Variants in TCF23 observed in about 807,000 individuals in gnomAD.
TCF23 encodes transcription factor 23.
Under a neutral mutation model 13.0 loss-of-function variants are expected in TCF23, and 7 were observed. The ratio of observed to expected loss-of-function variants is 0.54; its 90% CI spans 0.31 to 1.01. The LOEUF is 1.01. TCF23 is among the 50% of genes least tolerant of loss of function. The pLI is 0.06. For missense variants in TCF23, 257 were observed against 289.8 expected, an observed-to-expected ratio of 0.89 and a Z score of 0.82; for synonymous variants, 122 against 119.5, an observed-to-expected ratio of 1.02 and a Z score of -0.14.
chr2:27,153,269 A>G lies in TCF23; in HGVS notation c.*402A>G, dbSNP rs1223129052. ...GCACCAGCCCCAGGTGCTGATGGGA[A>G]AGCCAGGTGGCCGGATAGGCTCCTG... On this transcript the variant is annotated 3_prime_UTR_variant, in exon 3 of 3. Transcript: ENST00000296096. 6.1e-6 allele frequency: 1 copy of G among 165,110 alleles called. No homozygotes were observed. Among genetic ancestry groups the G allele is most frequent in the Non-Finnish European group, 1.3e-5 (1 of 76,836 alleles). The allele number at this position is 165,110 out of a possible 1,614,324, so 10.2% of individuals were successfully genotyped here.
intron 1 of TCF23, 197 bp from the exon 2 acceptor site, chr2:27,149,926 C>T: frequency 2.3e-6 from 2 of 853,248 alleles, no homozygotes; most frequent in South Asian, 1.7e-5. Flanking sequence ...CCATCTGACC[C>T]CTGGCCAGGC....
At position 27,150,882 on chromosome 2, in the gene TCF23, G is replaced by C. The variant is rs1672752395; in HGVS notation, c.465+517G>C. On this transcript the variant is annotated intron_variant, in intron 2 of 2. Coordinates refer to ENST00000296096, the MANE Select transcript of TCF23 (RefSeq NM_175769.3). The surrounding 1 kb of genome is among the most constrained non-coding windows in gnomAD (Gnocchi z 4.1). Reference sequence around the variant, plus strand: ...CAGGGAAGGCGCGCACCACTTGCCAGACTGCAATCTAGCTTTTCTCAACCT... The same window carrying C: ...CAGGGAAGGCGCGCACCACTTGCCACACTGCAATCTAGCTTTTCTCAACCT... Among the ~76,000 whole-genome samples the C allele has an allele frequency of 1.3e-5, 2 of 152,168 alleles. No individual in the cohort carries two copies. Among genetic ancestry groups the C allele is most frequent in the South Asian group, 4.1e-4 (2 of 4,828 alleles).
Position 27,153,092 on chromosome 2 carries a change from C to T in TCF23, c.*225C>T. ...CCCAGGAGGGGACTTCCCCATGGCT[C>T]TTCTGTGACAGCTACTGGGAAGTGG... On this transcript the variant is annotated 3_prime_UTR_variant, in exon 3 of 3. Coordinates refer to ENST00000296096, the MANE Select transcript of TCF23 (RefSeq NM_175769.3). The T allele has an allele frequency of 9.6e-7, 1 of 1,044,532 alleles. No homozygotes were observed. The highest frequency in any genetic ancestry group is 3.0e-5 in the East Asian group (1 of 33,178). 64.7% of individuals were successfully genotyped at this position (1,044,532 alleles called of 1,614,324 possible).
At position 27,149,063 on chromosome 2, in the gene TCF23, G is replaced by C; in HGVS notation, c.-71G>C. The C allele has an allele frequency of 2.8e-6, 4 of 1,425,106 alleles. No individual in the cohort carries two copies. Among genetic ancestry groups the C allele is most frequent in the Non-Finnish European group, 3.8e-6 (4 of 1,049,218 alleles). 88.3% of individuals were successfully genotyped at this position (1,425,106 alleles called of 1,614,324 possible). On this transcript the variant is annotated 5_prime_UTR_variant, in exon 1 of 3. Coordinates refer to ENST00000296096, the MANE Select transcript of TCF23 (RefSeq NM_175769.3). ...CTGGCTGGATGACCAGCCACAGCCAGCTAGCTTGAGTCCAAGGCCTCCTCA... is the reference window on the plus strand; with the variant it reads ...CTGGCTGGATGACCAGCCACAGCCACCTAGCTTGAGTCCAAGGCCTCCTCA...
rs1232545574 is a variant in TCF23, at chr2:27,153,501, T to TCTTC, written c.*636_*639dup. On this transcript the variant is annotated 3_prime_UTR_variant, in exon 3 of 3. Transcript: ENST00000296096. Reference sequence around the variant, plus strand: ...TTTCTCTCCCTCTCGGCTCCTGCACTCTTCCACTCTTTTCTTTTCTTTTCT... The same window carrying TCTTC: ...TTTCTCTCCCTCTCGGCTCCTGCACTCTTCCTTCCACTCTTTTCTTTTCTTTTCT... 1 of 150,776 alleles carries TCTTC rather than the reference T, an allele frequency of 6.6e-6. No individual in the cohort carries two copies. Among genetic ancestry groups the TCTTC allele is most frequent in the African/African-American group, 2.5e-5 (1 of 39,308 alleles). 9.3% of individuals were successfully genotyped at this position (150,776 alleles called of 1,614,324 possible). A position where few individuals can be genotyped will look rare whatever the true frequency, so the allele number is the denominator to read the frequency against.
chr2:27,151,007 C>A lies in TCF23; in HGVS notation c.465+642C>A, dbSNP rs186551329. ...TGAACATTAATCATCTTTGCAATAA[C>A]AGCTAACAGTTGAGTGCTAAAGATA... On this transcript the variant is annotated intron_variant, in intron 2 of 2. Coordinates refer to ENST00000296096, the MANE Select transcript of TCF23 (RefSeq NM_175769.3). Among the ~76,000 whole-genome samples the A allele has an allele frequency of 7.2e-4, 110 of 152,330 alleles. 1 individual carries two copies. Among genetic ancestry groups the A allele is most frequent in the Non-Finnish European group, 1.3e-3 (86 of 68,030 alleles).
Position 27,153,072 on chromosome 2 carries a change from G to GA in TCF23, c.*206dup, listed in dbSNP as rs1279524165. On this transcript the variant is annotated 3_prime_UTR_variant, in exon 3 of 3. Coordinates refer to ENST00000296096, the MANE Select transcript of TCF23 (RefSeq NM_175769.3). ...GGAGAGCCTCCTCCTTGGTCCCCAG[G>GA]AGGGGACTTCCCCATGGCTCTTCTG... 3 of 1,237,944 alleles carry GA rather than the reference G, an allele frequency of 2.4e-6. No homozygotes were observed. In the African/African-American group the frequency reaches 4.6e-5, roughly 19 times the overall value. 76.7% of individuals were successfully genotyped at this position (1,237,944 alleles called of 1,614,324 possible). A position where few individuals can be genotyped will look rare whatever the true frequency, so the allele number is the denominator to read the frequency against.
At chr2:27,149,382 G>A in intron 1 of TCF23, 27 bp downstream of exon 1, 5 of 1,554,040 alleles carry the variant, frequency 3.2e-6, no homozygotes, top group Non-Finnish European at 4.4e-6. Flanking sequence ...CCTGCAGAGG[G>A]GTCCAGGGGA....
chr2:27,153,062 T>G lies in TCF23; in HGVS notation c.*195T>G. The G allele has an allele frequency of 7.6e-7, 1 of 1,309,770 alleles. No homozygotes were observed. The highest frequency in any genetic ancestry group is 9.9e-7 in the Non-Finnish European group (1 of 1,012,924). 81.1% of individuals were successfully genotyped at this position (1,309,770 alleles called of 1,614,324 possible). Reference sequence around the variant, plus strand: ...GGCACAGGTTGGAGAGCCTCCTCCTTGGTCCCCAGGAGGGGACTTCCCCAT... The same window carrying G: ...GGCACAGGTTGGAGAGCCTCCTCCTGGGTCCCCAGGAGGGGACTTCCCCAT... On this transcript the variant is annotated 3_prime_UTR_variant, in exon 3 of 3. Coordinates refer to ENST00000296096, the MANE Select transcript of TCF23 (RefSeq NM_175769.3).
chr2:27,149,253 A>C lies in TCF23; in HGVS notation c.120A>C (p.Thr40=). The change falls in exon 1 of 3, where the codon ACA becomes ACC. Residue 40 remains threonine (T), a synonymous_variant. Coordinates refer to ENST00000296096, the MANE Select transcript of TCF23 (RefSeq NM_175769.3). ...GGAAGAGGAGCCGCCTCAGCAGGACAAGGCAGGACCCGTGGGAAGAAAGAA... is the reference window on the plus strand; with the variant it reads ...GGAAGAGGAGCCGCCTCAGCAGGACCAGGCAGGACCCGTGGGAAGAAAGAA... ...ADRKRSRLSR[T]RQDPWEERSW... is the part of the protein sequence containing the mutation. The C allele has an allele frequency of 1.9e-6, 3 of 1,585,644 alleles. No individual in the cohort carries two copies. Among genetic ancestry groups the C allele is most frequent in the Non-Finnish European group, 2.6e-6 (3 of 1,166,082 alleles).
rs1486347477 is a variant in TCF23 at position 27,153,075 on chromosome 2, G to T, written c.*208G>T. On this transcript the variant is annotated 3_prime_UTR_variant, in exon 3 of 3. Coordinates refer to ENST00000296096, the MANE Select transcript of TCF23 (RefSeq NM_175769.3). ...GAGCCTCCTCCTTGGTCCCCAGGAG[G>T]GGACTTCCCCATGGCTCTTCTGTGA... The T allele has an allele frequency of 3.3e-6, 4 of 1,230,602 alleles. No individual in the cohort carries two copies. In the East Asian group the frequency reaches 8.4e-5, roughly 26 times the overall value. 76.2% of individuals were successfully genotyped at this position (1,230,602 alleles called of 1,614,324 possible).
Position 27,156,656 on chromosome 2 carries a change from G to C in TCF23, c.*3789G>C, listed in dbSNP as rs1672841766. 6.6e-6 allele frequency: 1 copy of C among 151,618 alleles called. No homozygotes were observed. Among genetic ancestry groups the C allele is most frequent in the Non-Finnish European group, 1.5e-5 (1 of 67,986 alleles). The allele number at this position is 151,618 out of a possible 1,614,324, so 9.4% of individuals were successfully genotyped here. ...CCGCCTCGGCCTCCCAAAGTGCTGGGATTACAGGCATGAGCCACCGCACCC... is the reference window on the plus strand; with the variant it reads ...CCGCCTCGGCCTCCCAAAGTGCTGGCATTACAGGCATGAGCCACCGCACCC... On this transcript the variant is annotated 3_prime_UTR_variant, in exon 3 of 3. Coordinates refer to ENST00000296096, the MANE Select transcript of TCF23 (RefSeq NM_175769.3).
In TCF23 at chr2:27,150,488, G is replaced by A. The variant is rs1053379899; in HGVS notation, c.465+123G>A. ...TGCCCTGTGCAGAACTGACGTCGGA[G>A]CCAATTTCTCCTGCTGTCTCAGAGG... On this transcript the variant is annotated intron_variant, in intron 2 of 2. Coordinates refer to ENST00000296096, the MANE Select transcript of TCF23 (RefSeq NM_175769.3). This position sits in a 1 kb window ranked among gnomAD's most constrained non-coding sequence, Gnocchi z 4.1. The A allele has an allele frequency of 1.3e-6, 2 of 1,487,726 alleles. No homozygotes were observed. Among genetic ancestry groups the A allele is most frequent in the Admixed American group, 2.1e-5 (1 of 48,766 alleles). 92.2% of individuals were successfully genotyped at this position (1,487,726 alleles called of 1,614,324 possible).
In TCF23 at chr2:27,149,218, G is replaced by A. The variant is rs1411572945; in HGVS notation, c.85G>A (p.Gly29Ser). The A allele has an allele frequency of 8.3e-6, 13 of 1,558,880 alleles. No homozygotes were observed. Among genetic ancestry groups the A allele is most frequent in the Non-Finnish European group, 1.1e-5 (13 of 1,151,428 alleles). Reference sequence around the variant, plus strand: ...TCAGGCCAAAGCACGGTTGCTGCCAGGCGCTGACAGGAAGAGGAGCCGCCT... The same window carrying A: ...TCAGGCCAAAGCACGGTTGCTGCCAAGCGCTGACAGGAAGAGGAGCCGCCT... ...QTQAKARLLP[G>S]ADRKRSRLSR... The change falls in exon 1 of 3, where the codon GGC becomes AGC. Residue 29 changes from glycine (G) to serine (S), a missense_variant. Transcript: ENST00000296096.
chr2:27,152,719 G>A lies in TCF23; in HGVS notation c.497G>A (p.Gly166Glu), dbSNP rs765207717. 1 of 1,613,944 alleles carries A rather than the reference G, an allele frequency of 6.2e-7. No homozygotes were observed. The highest frequency in any genetic ancestry group is 8.5e-7 in the Non-Finnish European group (1 of 1,179,956). ...KWPMRSRLYA[G>E]GLGYSDLDST... ...CCGATGCGATCTCGTCTCTATGCTG[G>A]AGGCCTGGGGTACTCCGATCTTGAC... The change falls in exon 3 of 3, where the codon GGA becomes GAA. Residue 166 changes from glycine to glutamate, a missense_variant. By Grantham distance (98) the Gly-to-Glu change is moderately conservative. Transcript: ENST00000296096.
intron 2 of TCF23, 22 bp from the exon 3 acceptor site, chr2:27,152,666 C>G (rs746726218): frequency 6.2e-7 from 1 of 1,606,376 alleles, no homozygotes; most frequent in Admixed American, 1.7e-5. Flanking sequence ...GCATTTCTCA[C>G]TTCCCAATCT....
chr2:27,150,162 C>G lies in TCF23; in HGVS notation c.262C>G (p.Arg88Gly), dbSNP rs752736196. 6.2e-7 allele frequency: 1 copy of G among 1,610,226 alleles called. No individual in the cohort carries two copies. The highest frequency in any genetic ancestry group is 8.5e-7 in the Non-Finnish European group (1 of 1,179,504). ...SPENAARERSRVRTLRQAFLA... is the reference protein window; with the variant it reads ...SPENAARERSGVRTLRQAFLA... ...TGAGAATGCCGCGCGGGAGCGGAGC[C>G]GGGTCAGGACGCTGCGCCAGGCCTT... The change falls in exon 2 of 3, where the codon CGG becomes GGG. Residue 88 changes from arginine (R) to glycine (G), a missense_variant. Coordinates refer to ENST00000296096, the MANE Select transcript of TCF23 (RefSeq NM_175769.3). This position sits in a 1 kb window ranked among gnomAD's most constrained non-coding sequence, Gnocchi z 4.1.
In TCF23 at chr2:27,153,067, C is replaced by T. The variant is rs1672784955; in HGVS notation, c.*200C>T. The T allele has an allele frequency of 2.3e-6, 3 of 1,288,318 alleles. No individual in the cohort carries two copies. The highest frequency in any genetic ancestry group is 3.0e-6 in the Non-Finnish European group (3 of 996,864). The allele number at this position is 1,288,318 out of a possible 1,614,324, so 79.8% of individuals were successfully genotyped here. A position where few individuals can be genotyped will look rare whatever the true frequency, so the allele number is the denominator to read the frequency against. On this transcript the variant is annotated 3_prime_UTR_variant, in exon 3 of 3. Transcript: ENST00000296096. The stretch of plus-strand genomic sequence containing the variant: ...AGGTTGGAGAGCCTCCTCCTTGGTC[C>T]CCAGGAGGGGACTTCCCCATGGCTC...
At position 27,150,531 on chromosome 2, in the gene TCF23, A is replaced by T. The variant is rs767100684; in HGVS notation, c.465+166A>T. 6.6e-6 allele frequency among the ~76,000 whole-genome samples: 1 copy of T among 151,966 alleles called. No homozygotes were observed. The highest frequency in any genetic ancestry group is 1.5e-5 in the Non-Finnish European group (1 of 67,990). On this transcript the variant is annotated intron_variant, in intron 2 of 2. Transcript: ENST00000296096. The surrounding 1 kb of genome is among the most constrained non-coding windows in gnomAD (Gnocchi z 4.1). Reference sequence around the variant, plus strand: ...CTCAGAGGGAGAGGAGCCAAGGCTGACCCTTGGGGCTGCGCTGACCCTGGG... The same window carrying T: ...CTCAGAGGGAGAGGAGCCAAGGCTGTCCCTTGGGGCTGCGCTGACCCTGGG...
Sources: allele counts gnomAD v4.1 joint callset (sites outside exome capture counted in the v4.1 genomes callset), GRCh38; gene constraint gnomAD v4.1.1; non-coding constraint Gnocchi (gnomAD v3.1); transcripts MANE v1.5; gene names NCBI Gene and HGNC (gene_info 2026-07-23, HGNC 2026-07-21).